The following WDR25 variants were observed in gnomAD, a reference collection of about 807,000 sequenced individuals.
WDR25 encodes WD repeat-containing protein 25.
A neutral mutation model predicts 47.7 loss-of-function variants in WDR25; 35 were observed. That is an observed-to-expected ratio of 0.73 (90% CI 0.56 to 0.97). The LOEUF (loss-of-function observed/expected upper bound fraction) is 0.97. WDR25 is among the 50% of genes least tolerant of loss of function. WDR25 has a pLI of 0.00. For missense variants in WDR25, 634 were observed against 704.7 expected, an observed-to-expected ratio of 0.90 and a Z score of 1.14; for synonymous variants, 248 against 278.9, an observed-to-expected ratio of 0.89 and a Z score of 1.10.
In WDR25 at chr14:100,477,111, TG is replaced by T. The variant is rs552106154; in HGVS notation, c.971-6880del. Among the ~76,000 whole-genome samples the T allele has an allele frequency of 4.2e-3, 636 of 152,258 alleles. 4 individuals are homozygous for T. Among genetic ancestry groups the T allele is most frequent in the Non-Finnish European group, 6.7e-3 (457 of 68,004 alleles). On this transcript the variant is annotated intron_variant, in intron 3 of 6. Coordinates refer to ENST00000402312, the MANE Select transcript of WDR25 (RefSeq NM_001161476.3). ...GCCCCGGCCACATGGTTGGTCACTT[TG>T]GGAAGCTGGATATCTCCACCTGAGA... is the stretch of plus-strand genomic sequence containing the variant.
chr14:100,464,563 A>C (rs908625173), intron 2 of WDR25, among the ~76,000 whole-genome samples: 2 of 149,734 alleles, frequency 1.3e-5, no homozygotes, highest in African/African-American at 5.0e-5. Context: ...TTCAGAGGAA[A>C]CATTTGGGCA....
intron 4 of WDR25, among the ~76,000 whole-genome samples, chr14:100,496,355 T>G (rs933839343): frequency 6.6e-6 from 1 of 152,354 alleles, no homozygotes; most frequent in African/African-American, 2.4e-5. Context: ...TGATGTCTCC[T>G]CTTTCATTCC....
In WDR25 at chr14:100,529,098, C is replaced by T. The variant is rs772922376; in HGVS notation, c.1303C>T (p.His435Tyr). The change falls in exon 6 of 7, where the codon CAC becomes TAC. Residue 435 changes from histidine to tyrosine, a missense_variant. His to Tyr is a moderately conservative substitution (Grantham distance 83). Coordinates refer to ENST00000402312, the MANE Select transcript of WDR25 (RefSeq NM_001161476.3). This position sits in a 1 kb window ranked among gnomAD's most constrained non-coding sequence, Gnocchi z 5.1. ...GTTCACCTGCCCCAGCCTCGCCTTG[C>T]ACCCGAGAGAGCCCGTGTTCCTGGC... ...ERFTCPSLAL[H>Y]PREPVFLAQT... 6 of 1,570,680 alleles carry T rather than the reference C, an allele frequency of 3.8e-6. No individual in the cohort carries two copies. In the Admixed American group the frequency reaches 8.7e-5, roughly 23 times the overall value.
At chr14:100,414,182 G>C (rs1042799859) in intron 2 of WDR25, among the ~76,000 whole-genome samples, 2 of 151,992 alleles carry the variant, frequency 1.3e-5, no homozygotes, top group Non-Finnish European at 2.9e-5. Flanking sequence ...ATTTTTAGTA[G>C]AGACGAGGTC....
chr14:100,387,534 C>A lies in WDR25; in HGVS notation c.822+5788C>A, dbSNP rs1285555105. ...GGATGAGAGGATGGAGAGCGCTAGC[C>A]ATTGCTGAGTGCTTACCATGTACTA... is the stretch of plus-strand genomic sequence containing the variant. On this transcript the variant is annotated intron_variant, in intron 2 of 6. Transcript: ENST00000402312. Among the ~76,000 whole-genome samples, 3 of 152,216 alleles carry A rather than the reference C, an allele frequency of 2.0e-5. No homozygotes were observed. The East Asian group carries it at 5.8e-4, about 29-fold the overall frequency.
At chr14:100,450,894 T>C (rs541310836) in intron 2 of WDR25, among the ~76,000 whole-genome samples, 1 of 152,210 alleles carries the variant, frequency 6.6e-6, no homozygotes, top group South Asian at 2.1e-4. Flanking sequence ...CAAAAGCACT[T>C]CACAGTCCCT....
intron 2 of WDR25, among the ~76,000 whole-genome samples, chr14:100,461,814 T>C (rs945276730): frequency 6.6e-6 from 1 of 152,072 alleles, no homozygotes; most frequent in Non-Finnish European, 1.5e-5. Flanking sequence ...GTGAGTAGGA[T>C]AGGGCCACGA....
chr14:100,507,724 G>C (rs1251467320), intron 4 of WDR25, among the ~76,000 whole-genome samples: 1 of 150,612 alleles, frequency 6.6e-6, no homozygotes. Context: ...TTCTCAGCTT[G>C]AATGTTATTG....
rs1027619438 is a variant in WDR25, at chr14:100,461,281, G to A, written c.823-6740G>A. Among the ~76,000 whole-genome samples the A allele has an allele frequency of 5.3e-5, 8 of 152,284 alleles. No individual in the cohort carries two copies. The East Asian group carries it at 1.3e-3, about 26-fold the overall frequency. ...TTTAAAAAGCTTCTAGTACTAAAAA[G>A]TGAGTTTAGTAAGGTTGCAGAATCC... On this transcript the variant is annotated intron_variant, in intron 2 of 6. Transcript: ENST00000402312.
At chr14:100,497,738 G>A (rs1900780984) in intron 4 of WDR25, among the ~76,000 whole-genome samples, 1 of 151,986 alleles carries the variant, frequency 6.6e-6, no homozygotes, top group Admixed American at 6.6e-5. Flanking sequence ...CCTTCTTTTT[G>A]GCTAAATGTC....
At chr14:100,400,041 G>A (rs1019680863) in intron 2 of WDR25, among the ~76,000 whole-genome samples, 1 of 152,194 alleles carries the variant, frequency 6.6e-6, no homozygotes, top group Non-Finnish European at 1.5e-5. Flanking sequence ...GGAAAGAGAA[G>A]TACAGTTGAG....
chr14:100,428,763 C>T lies in WDR25; in HGVS notation c.823-39258C>T, dbSNP rs762801989. Among the ~76,000 whole-genome samples, 7 of 152,218 alleles carry T rather than the reference C, an allele frequency of 4.6e-5. No homozygotes were observed. Among genetic ancestry groups the T allele is most frequent in the Admixed American group, 1.3e-4 (2 of 15,288 alleles). ...CCTTCTTTCAAAAGTGCTGTACCTT[C>T]GCTTTTATTCTACTTTGAATGTAAT... On this transcript the variant is annotated intron_variant, in intron 2 of 6. Coordinates refer to ENST00000402312, the MANE Select transcript of WDR25 (RefSeq NM_001161476.3). The surrounding 1 kb of genome is among the most constrained non-coding windows in gnomAD (Gnocchi z 4.3).
rs1896832955 is a variant in WDR25, at chr14:100,379,836, G to T, written c.-15-1074G>T. Among the ~76,000 whole-genome samples, 4 of 151,834 alleles carry T rather than the reference G, an allele frequency of 2.6e-5. No homozygotes were observed. In the South Asian group the frequency reaches 8.3e-4, roughly 32 times the overall value. On this transcript the variant is annotated intron_variant, in intron 1 of 6. Coordinates refer to ENST00000402312, the MANE Select transcript of WDR25 (RefSeq NM_001161476.3). The stretch of plus-strand genomic sequence containing the variant: ...GGTTCACTGCAACTTCCGCCTCCTG[G>T]GTTCAAGTGATTCTCCTGCTTCAGC...
chr14:100,491,304 G>T (rs1842541792), intron 4 of WDR25, among the ~76,000 whole-genome samples: 1 of 152,202 alleles, frequency 6.6e-6, no homozygotes, highest in Non-Finnish European at 1.5e-5. Flanking sequence ...GTGAACTGGG[G>T]GTGGTTTGAT....
At chr14:100,503,070 T>C (rs940325127) in intron 4 of WDR25, among the ~76,000 whole-genome samples, 9 of 151,934 alleles carry the variant, frequency 5.9e-5, no homozygotes, top group African/African-American at 2.2e-4. Flanking sequence ...TGTGTGTGTG[T>C]GTGTGTGCAT....
At chr14:100,436,648 G>A (rs958338250) in intron 2 of WDR25, among the ~76,000 whole-genome samples, 2 of 152,286 alleles carry the variant, frequency 1.3e-5, no homozygotes, top group Admixed American at 1.3e-4. Context: ...CTCTTGGGTC[G>A]TGGAGGACTC....
intron 2 of WDR25, among the ~76,000 whole-genome samples, chr14:100,383,962 G>A (rs1417880456): frequency 6.6e-6 from 1 of 152,230 alleles, no homozygotes; most frequent in African/African-American, 2.4e-5. Context: ...TCAGAGACCT[G>A]GGTCCGGGTC....
At chr14:100,454,818 A>G (rs1899148106) in intron 2 of WDR25, 1 of 215,560 alleles carries the variant, frequency 4.6e-6, no homozygotes. Flanking sequence ...TGCAGACTCT[A>G]AGCAGCTCAA....
chr14:100,514,243 A>C (rs1323056616), intron 4 of WDR25, among the ~76,000 whole-genome samples: 1 of 152,108 alleles, frequency 6.6e-6, no homozygotes, highest in Admixed American at 6.5e-5. Context: ...GCCCTTTTTT[A>C]CTTTTAACCT....
Sources: allele counts gnomAD v4.1 joint callset (sites outside exome capture counted in the v4.1 genomes callset), GRCh38; gene constraint gnomAD v4.1.1; non-coding constraint Gnocchi (gnomAD v3.1); transcripts MANE v1.5; gene names NCBI Gene and HGNC (gene_info 2026-07-23, HGNC 2026-07-21).